ATP12A: variants seen among roughly 807,000 people sequenced by gnomAD.
ATP12A encodes potassium-transporting ATPase alpha chain 2.
In ATP12A, 81 loss-of-function variants were observed where a neutral mutation model predicts 111.2. The ratio of observed to expected loss-of-function variants is 0.73; its 90% CI spans 0.61 to 0.88. The LOEUF is 0.88. Among genes scored for constraint, ATP12A ranks in the 40% least tolerant of loss-of-function variants. The probability of loss-of-function intolerance (pLI) is 0.00; values close to 1 mark genes in which losing one functional copy is unlikely to be tolerated. For missense variants in ATP12A, 1,196 were observed against 1,313.1 expected, an observed-to-expected ratio of 0.91 and a Z score of 1.38; for synonymous variants, 498 against 499.8, an observed-to-expected ratio of 1.00 and a Z score of 0.05.
chr13:24,709,558 G>T, intron 18 of ATP12A, 71 bp downstream of exon 18: 2 of 1,597,208 alleles, frequency 1.3e-6, no homozygotes, highest in Admixed American at 1.7e-5. Context: ...GGGGGGCACA[G>T]CCAGAAAGTG....
At chr13:24,698,887 G>A in intron 12 of ATP12A, 37 bp downstream of exon 12, 1 of 1,607,348 alleles carries the variant, frequency 6.2e-7, no homozygotes, top group East Asian at 2.2e-5. Flanking sequence ...ATCACCTGGT[G>A]GGCACAGAGA....
chr13:24,680,726 C>G lies in ATP12A; in HGVS notation c.-18C>G. 1 of 1,501,538 alleles carries G rather than the reference C, an allele frequency of 6.7e-7. No homozygotes were observed. Among genetic ancestry groups the G allele is most frequent in the Non-Finnish European group, 8.8e-7 (1 of 1,132,754 alleles). 93.0% of individuals were successfully genotyped at this position (1,501,538 alleles called of 1,614,324 possible). A position where few individuals can be genotyped will look rare whatever the true frequency, so the allele number is the denominator to read the frequency against. Reference sequence around the variant, plus strand: ...ATCCGCGCTCCACGCCCGCAGCCCGCGGCGCCACCAGCCCAGCATGCACCA... The same window carrying G: ...ATCCGCGCTCCACGCCCGCAGCCCGGGGCGCCACCAGCCCAGCATGCACCA... On this transcript the variant is annotated 5_prime_UTR_variant, in exon 1 of 23. Transcript: ENST00000381946.
rs566153736 is a variant in ATP12A, at chr13:24,711,949, G to A, written c.*427G>A. The stretch of plus-strand genomic sequence containing the variant: ...CCTAAGATTTCTGCAGATCCCCTGA[G>A]AAGGTATGTTTTCATGGTCTCCTTG... On this transcript the variant is annotated 3_prime_UTR_variant, in exon 23 of 23. Coordinates refer to ENST00000381946, the MANE Select transcript of ATP12A (RefSeq NM_001676.7). 7 of 211,498 alleles carry A rather than the reference G, an allele frequency of 3.3e-5. No individual in the cohort carries two copies. Among genetic ancestry groups the A allele is most frequent in the Non-Finnish European group, 6.7e-5 (7 of 105,026 alleles). The allele number at this position is 211,498 out of a possible 1,614,324, so 13.1% of individuals were successfully genotyped here. A position where few individuals can be genotyped will look rare whatever the true frequency, so the allele number is the denominator to read the frequency against.
chr13:24,700,789 C>T lies in ATP12A; in HGVS notation c.1748C>T (p.Thr583Ile), dbSNP rs1256655819. 1.2e-6 allele frequency: 2 copies of T among 1,613,936 alleles called. No homozygotes were observed. The highest frequency in any genetic ancestry group is 1.7e-6 in the Non-Finnish European group (2 of 1,180,012). Residue 583 changes from threonine to isoleucine, a missense_variant, in exon 13 of 23, where the codon ACC becomes ATC. This residue lies in a region of ATP12A where 1,126 missense variants were observed against 1,228.5 expected (regional missense o/e 0.92). Transcript: ENST00000381946. Reference sequence around the variant, plus strand: ...CTGCCAGCAGACGAGTTTCCAGAAACCTACTCATTTGACATAGACGCTATG... The same window carrying T: ...CTGCCAGCAGACGAGTTTCCAGAAATCTACTCATTTGACATAGACGCTATG... ...LYLPADEFPE[T>I]YSFDIDAMNF... is the part of the protein sequence containing the mutation.
At position 24,691,164 on chromosome 13, in the gene ATP12A, C is replaced by G. The variant is rs1013984673; in HGVS notation, c.982C>G (p.Leu328Val). 1 of 1,614,186 alleles carries G rather than the reference C, an allele frequency of 6.2e-7. No individual in the cohort carries two copies. The highest frequency in any genetic ancestry group is 8.5e-7 in the Non-Finnish European group (1 of 1,180,040). The change falls in exon 8 of 23, where the codon CTG becomes GTG. Residue 328 changes from leucine (L) to valine (V), a missense_variant. By Grantham distance (32) the Leu-to-Val change is conservative. Transcript: ENST00000381946. ...CCTTTTCTTCATCATCGCTGTGTCC[C>G]TGAAGTATCAAGTCCTGGACTCCAT... is the stretch of plus-strand genomic sequence containing the variant. ...GILFFIIAVS[L>V]KYQVLDSIIF...
Position 24,701,394 on chromosome 13 carries a change from G to A in ATP12A, c.1881+472G>A, listed in dbSNP as rs180879312. 2.9e-3 allele frequency among the ~76,000 whole-genome samples: 437 copies of A among 151,542 alleles called. 2 individuals are homozygous for A. Among genetic ancestry groups the A allele is most frequent in the African/African-American group, 8.6e-3 (357 of 41,282 alleles). ...CACACACCTGTAATCCCAGCTACTCGGGAGGCTGAGGCAGGAGAATCTCTT... is the reference window on the plus strand; with the variant it reads ...CACACACCTGTAATCCCAGCTACTCAGGAGGCTGAGGCAGGAGAATCTCTT... On this transcript the variant is annotated intron_variant, in intron 13 of 22. Coordinates refer to ENST00000381946, the MANE Select transcript of ATP12A (RefSeq NM_001676.7).
rs1874872130 is a variant in ATP12A at position 24,690,989 on chromosome 13, C to T, written c.807C>T (p.Val269=). ...FYSTTCLEGT[V]TGMVINTGDR... ...CATCTACTTCCCCTGTAGGCACTGT[C>T]ACCGGCATGGTTATCAACACGGGTG... The change falls in exon 8 of 23, where the codon GTC becomes GTT. Residue 269 remains valine (V), a synonymous_variant. Coordinates refer to ENST00000381946, the MANE Select transcript of ATP12A (RefSeq NM_001676.7). 6.2e-7 allele frequency: 1 copy of T among 1,614,046 alleles called. No homozygotes were observed. The highest frequency in any genetic ancestry group is 8.5e-7 in the Non-Finnish European group (1 of 1,180,014).
At chr13:24,680,818 A>C (rs1874403763) in intron 1 of ATP12A, 66 bp downstream of exon 1, 6 of 1,429,900 alleles carry the variant, frequency 4.2e-6, no homozygotes, top group Middle Eastern at 1.9e-4. Flanking sequence ...GGACCGGAGC[A>C]GGCTGACGGG....
In ATP12A at chr13:24,691,211, T is replaced by G; in HGVS notation, c.1029T>G (p.Ile343Met). 6.2e-7 allele frequency: 1 copy of G among 1,614,068 alleles called. No homozygotes were observed. The highest frequency in any genetic ancestry group is 8.5e-7 in the Non-Finnish European group (1 of 1,179,954). ...LDSIIFLIGIIVANVPEGLLA... is the reference protein window; with the variant it reads ...LDSIIFLIGIMVANVPEGLLA... ...CCATCATCTTCCTCATTGGCATCAT[T>G]GTGGCCAATGTGCCCGAGGGCCTCC... is the stretch of plus-strand genomic sequence containing the variant. The change falls in exon 8 of 23, where the codon ATT becomes ATG. Residue 343 changes from isoleucine to methionine, a missense_variant. Physicochemically the swap from Ile to Met is conservative, Grantham distance 10. This residue lies in a region of ATP12A where 1,126 missense variants were observed against 1,228.5 expected (regional missense o/e 0.92). Transcript: ENST00000381946.
At chr13:24,709,306 T>G in intron 17 of ATP12A, 58 bp from the exon 18 acceptor site, 1 of 236,030 alleles carries the variant, frequency 4.2e-6, no homozygotes, top group Non-Finnish European at 6.1e-6. Flanking sequence ...CCCCCTCCCC[T>G]ACTGTGGGTA....
intron 15 of ATP12A, 125 bp from the exon 16 acceptor site, chr13:24,706,898 G>T: frequency 2.9e-6 from 3 of 1,046,756 alleles, no homozygotes; most frequent in Non-Finnish European, 2.7e-6. Context: ...CCCTAAATGG[G>T]CCTTTCCGTT....
chr13:24,681,190 C>T (rs1321536241), intron 1 of ATP12A, among the ~76,000 whole-genome samples: 1 of 152,072 alleles, frequency 6.6e-6, no homozygotes, highest in East Asian at 2.0e-4. Context: ...GGGAAGGACA[C>T]CTCAGAGGAA....
At chr13:24,682,828 A>G (rs1422760599) in intron 2 of ATP12A, among the ~76,000 whole-genome samples, 1 of 152,208 alleles carries the variant, frequency 6.6e-6, no homozygotes, top group East Asian at 1.9e-4. Flanking sequence ...CCTTTATGTA[A>G]AATGGGAAAT....
In ATP12A at chr13:24,702,053, T is replaced by C; in HGVS notation, c.2000T>C (p.Val667Ala). Residue 667 changes from valine to alanine, a missense_variant, in exon 14 of 23, where the codon GTG (valine) becomes GCG (alanine). Physicochemically the swap from Val to Ala is moderately conservative, Grantham distance 64 (BLOSUM62 0). This residue lies in a region of ATP12A where 1,126 missense variants were observed against 1,228.5 expected (regional missense o/e 0.92). Transcript: ENST00000381946. ...ATTGCACATCGCCTCAACATTGCTG[T>C]GGAGCAAGTTAACAAACGGTAAGCA... is the stretch of plus-strand genomic sequence containing the variant. The part of the protein sequence containing the change: ...EDIAHRLNIA[V>A]EQVNKRDAKA... 6.2e-7 allele frequency: 1 copy of C among 1,614,226 alleles called. No individual in the cohort carries two copies. Among genetic ancestry groups the C allele is most frequent in the Non-Finnish European group, 8.5e-7 (1 of 1,180,044 alleles).
Position 24,698,703 on chromosome 13 carries a change from A to G in ATP12A, c.1558A>G (p.Met520Val). The change falls in exon 12 of 23, where the codon ATG becomes GTG. Residue 520 changes from methionine (M) to valine (V), a missense_variant. This residue lies in a region of ATP12A where 1,126 missense variants were observed against 1,228.5 expected (regional missense o/e 0.92). Transcript: ENST00000381946. ...MDDPHGKRFL[M>V]VMKGAPERIL... Reference sequence around the variant, plus strand: ...TGACCCCCACGGCAAGCGCTTCCTCATGGTGATGAAGGGGGCCCCTGAGCG... The same window carrying G: ...TGACCCCCACGGCAAGCGCTTCCTCGTGGTGATGAAGGGGGCCCCTGAGCG... The G allele has an allele frequency of 6.2e-7, 1 of 1,613,968 alleles. No homozygotes were observed. The highest frequency in any genetic ancestry group is 8.5e-7 in the Non-Finnish European group (1 of 1,179,996).
Position 24,700,743 on chromosome 13 carries a change from A to T in ATP12A, c.1706-4A>T. The T allele has an allele frequency of 2.5e-6, 4 of 1,612,950 alleles. No individual in the cohort carries two copies. The highest frequency in any genetic ancestry group is 3.4e-6 in the Non-Finnish European group (4 of 1,179,208). On this transcript the variant is annotated splice_polypyrimidine_tract_variant and splice_region_variant and intron_variant, in intron 12 of 22. Transcript: ENST00000381946. Reference sequence around the variant, plus strand: ...ACTGACTCACTAATTCATCTGTATTACAGGTTTCTGTCATCTCTACCTGCC... The same window carrying T: ...ACTGACTCACTAATTCATCTGTATTTCAGGTTTCTGTCATCTCTACCTGCC...
At chr13:24,693,522 T>C (rs1027828669) in intron 10 of ATP12A, among the ~76,000 whole-genome samples, 7 of 151,520 alleles carry the variant, frequency 4.6e-5, no homozygotes, top group African/African-American at 1.7e-4. Context: ...TTTTGGCCAA[T>C]TGCTTCTTTG....
In ATP12A at chr13:24,690,871, G is replaced by A. The variant is rs187751204; in HGVS notation, c.800-111G>A. The A allele has an allele frequency of 8.4e-4, 1,252 of 1,492,050 alleles. 1 individual carries two copies. The highest frequency in any genetic ancestry group is 1.0e-3 in the Non-Finnish European group (1,099 of 1,090,186). 92.4% of individuals were successfully genotyped at this position (1,492,050 alleles called of 1,614,324 possible). ...GGCCTAGAGGACGATGCTTGGCCTT[G>A]GGAATGTGGTGTGCCTATCGATTGT... On this transcript the variant is annotated intron_variant, in intron 7 of 22. Transcript: ENST00000381946.
intron 17 of ATP12A, 80 bp downstream of exon 17, chr13:24,707,513 G>C: frequency 6.4e-7 from 1 of 1,563,792 alleles, no homozygotes; most frequent in Non-Finnish European, 8.7e-7. Flanking sequence ...TCAAGGGCCG[G>C]GGATGGACTA....
Sources: gnomAD v4.1 joint callset for allele counts (sites outside exome capture counted in the v4.1 genomes callset) on GRCh38, gnomAD v4.1.1 for gene constraint, gnomAD v4.1.1 regional missense constraint, MANE v1.5 for transcripts, NCBI Gene and HGNC (gene_info 2026-07-23, HGNC 2026-07-21) for gene names.